Variants in GPR89A observed in about 807,000 individuals in gnomAD.
The protein encoded by GPR89A is golgi pH regulator A, also known as G protein-coupled receptor 89A.
A neutral mutation model predicts 52.0 loss-of-function variants in GPR89A; 16 were observed. The observed-to-expected ratio is 0.31, with a 90% CI of 0.21 to 0.47. GPR89A has a LOEUF of 0.47. Ranked by LOEUF, GPR89A falls within the 20% of genes least tolerant of loss-of-function variation. The pLI, the probability that GPR89A is intolerant of heterozygous loss-of-function variation, is 1.00. For synonymous variants in GPR89A, 55 were observed against 150.9 expected (o/e 0.36, Z 4.66); for missense variants, 135 against 449.4 (o/e 0.30, Z 6.33).
intron 12 of GPR89A, among the ~76,000 whole-genome samples, chr1:145,666,564 TA>T (rs200771251): frequency 1.1e-4 from 17 of 151,890 alleles, no homozygotes; most frequent in African/African-American, 3.6e-4. Flanking sequence ...TTTTTTTTTT[TA>T]AATTATACTT....
In GPR89A at chr1:145,635,443, A is replaced by G. The variant is rs587768553; in HGVS notation, c.617+3699A>G. Among the ~76,000 whole-genome samples the G allele has an allele frequency of 2.8e-4, 43 of 152,030 alleles. 1 individual carries two copies. The highest frequency in any genetic ancestry group is 2.1e-3 in the Admixed American group (32 of 15,282). ...AAAAGAATGATGAAGGCTCAGGTTC[A>G]CTGACTAATTATTTGTCTCTATTTC... On this transcript the variant is annotated intron_variant, in intron 7 of 13. Transcript: ENST00000313835.
At position 145,608,019 on chromosome 1, in the gene GPR89A, AG is replaced by A. The variant is rs1392763757; in HGVS notation, c.-114del. 77 of 1,230,174 alleles carry A rather than the reference AG, an allele frequency of 6.3e-5. 1 individual carries two copies. The South Asian group carries it at 9.2e-4, about 15-fold the overall frequency. 76.2% of individuals were successfully genotyped at this position (1,230,174 alleles called of 1,614,324 possible). On this transcript the variant is annotated 5_prime_UTR_variant, in exon 1 of 14. An upstream open reading frame in the 5' UTR loses its in-frame stop. Coordinates refer to ENST00000313835, the MANE Select transcript of GPR89A (RefSeq NM_001097612.2). ...TGATGGCGTCGGGCTGGAGAGCCGC[AG>A]TCCCGGCTGCAGCACCTGGGAGAAG...
At chr1:145,629,941 C>T in intron 5 of GPR89A, among the ~76,000 whole-genome samples, 1 of 152,282 alleles carries the variant, frequency 6.6e-6, no homozygotes, top group East Asian at 1.9e-4. Flanking sequence ...GAATTCTATC[C>T]TAGAAATAGA....
At chr1:145,610,251 G>A (rs1161120202) in intron 1 of GPR89A, among the ~76,000 whole-genome samples, 1 of 151,952 alleles carries the variant, frequency 6.6e-6, no homozygotes, top group Non-Finnish European at 1.5e-5. Context: ...TTAACTGAAA[G>A]GTTTATTTGA....
At chr1:145,628,334 A>G (rs1482768352) in intron 5 of GPR89A, among the ~76,000 whole-genome samples, 2 of 152,258 alleles carry the variant, frequency 1.3e-5, no homozygotes, top group African/African-American at 4.8e-5. Flanking sequence ...GGGAAAACCT[A>G]GGGAAATGGT....
chr1:145,639,494 C>T (rs1418355135), intron 7 of GPR89A, among the ~76,000 whole-genome samples: 1 of 151,968 alleles, frequency 6.6e-6, no homozygotes, highest in Non-Finnish European at 1.5e-5. Flanking sequence ...CGTCTGTAAT[C>T]CCAGCACTTT....
At chr1:145,662,130 T>G (rs587630131) in intron 10 of GPR89A, among the ~76,000 whole-genome samples, 1 of 152,308 alleles carries the variant, frequency 6.6e-6, no homozygotes, top group South Asian at 2.1e-4. Flanking sequence ...AAATGTCAAT[T>G]ACGTCAAATT....
intron 12 of GPR89A, among the ~76,000 whole-genome samples, chr1:145,668,934 C>A (rs1273942448): frequency 2.0e-5 from 3 of 152,070 alleles, no homozygotes; most frequent in African/African-American, 7.2e-5. Context: ...TTGATCATGG[C>A]AGATAAGCTT....
Position 145,608,094 on chromosome 1 carries a change from G to T in GPR89A, c.-40G>T, listed in dbSNP as rs1353436809. 4 of 1,613,020 alleles carry T rather than the reference G, an allele frequency of 2.5e-6. No individual in the cohort carries two copies. In the African/African-American group the frequency reaches 5.4e-5, roughly 22 times the overall value. On this transcript the variant is annotated 5_prime_UTR_variant, in exon 1 of 14. Transcript: ENST00000313835. Reference sequence around the variant, plus strand: ...GGCCCCAGCGTGCTGTGGCCTCGGGGAGTGGGAAGTGGAGGCAGGAGCCTT... The same window carrying T: ...GGCCCCAGCGTGCTGTGGCCTCGGGTAGTGGGAAGTGGAGGCAGGAGCCTT...
chr1:145,660,988 T>C (rs1431714393), intron 10 of GPR89A, among the ~76,000 whole-genome samples: 3 of 152,204 alleles, frequency 2.0e-5, no homozygotes, highest in Non-Finnish European at 4.4e-5. Context: ...ATCATGCTGC[T>C]ATAAAGACAC....
chr1:145,637,616 G>A (rs1424448924), intron 7 of GPR89A, among the ~76,000 whole-genome samples: 7 of 149,478 alleles, frequency 4.7e-5, no homozygotes, highest in African/African-American at 7.3e-5. Context: ...CAATGTTCAA[G>A]ATAAAAAGCA....
chr1:145,617,154 T>G (rs1648763526), intron 2 of GPR89A, among the ~76,000 whole-genome samples: 1 of 152,022 alleles, frequency 6.6e-6, no homozygotes. Flanking sequence ...AGACAGACAC[T>G]CCCAGAGCGG....
chr1:145,615,255 A>G (rs1648588821), intron 1 of GPR89A, among the ~76,000 whole-genome samples: 1 of 152,238 alleles, frequency 6.6e-6, no homozygotes, highest in African/African-American at 2.4e-5. Context: ...TCTGAAGGAA[A>G]CAGATATAAA....
intron 10 of GPR89A, among the ~76,000 whole-genome samples, chr1:145,660,290 C>T (rs1268781088): frequency 6.6e-6 from 1 of 152,066 alleles, no homozygotes; most frequent in Non-Finnish European, 1.5e-5. Flanking sequence ...ACACCTTATA[C>T]AAAAATTAAT....
intron 1 of GPR89A, among the ~76,000 whole-genome samples, chr1:145,609,511 CCTTT>C (rs1648102266): frequency 6.6e-6 from 1 of 152,164 alleles, no homozygotes; most frequent in African/African-American, 2.4e-5. Context: ...CTGCTTAAAA[CCTTT>C]CTAAGACTAC....
At chr1:145,650,012 G>T (rs1182978839) in intron 10 of GPR89A, among the ~76,000 whole-genome samples, 1 of 146,134 alleles carries the variant, frequency 6.8e-6, no homozygotes, top group South Asian at 2.2e-4. Flanking sequence ...TGAGGTACAT[G>T]TGCAGGATGT....
At chr1:145,656,075 A>G (rs1651786114) in intron 10 of GPR89A, among the ~76,000 whole-genome samples, 1 of 151,990 alleles carries the variant, frequency 6.6e-6, no homozygotes. Flanking sequence ...GTCTGCCACT[A>G]CCACTGTGCT....
chr1:145,619,463 T>A (rs1185493927), intron 3 of GPR89A, among the ~76,000 whole-genome samples: 1 of 151,532 alleles, frequency 6.6e-6, no homozygotes, highest in Non-Finnish European at 1.5e-5. Flanking sequence ...ATAAAAAAAA[T>A]TAGCAGAGTG....
At chr1:145,627,612 C>T (rs140683996) in intron 5 of GPR89A, among the ~76,000 whole-genome samples, 50 of 152,292 alleles carry the variant, frequency 3.3e-4, no homozygotes, top group Middle Eastern at 3.4e-3. Context: ...AAACCACAAA[C>T]GAAACAAACT....
Sources: allele counts gnomAD v4.1 joint callset (sites outside exome capture counted in the v4.1 genomes callset), GRCh38; gene constraint gnomAD v4.1.1; transcripts MANE v1.5; gene names NCBI Gene and HGNC (gene_info 2026-07-23, HGNC 2026-07-21).